The following CRB1 variants were observed in gnomAD, a reference collection of about 807,000 sequenced individuals.
CRB1 encodes protein crumbs homolog 1.
In CRB1, 83 loss-of-function variants were observed where a neutral mutation model predicts 120.0. The ratio of observed to expected loss-of-function variants is 0.69; its 90% CI spans 0.58 to 0.83. The LOEUF is 0.83. Among genes scored for constraint, CRB1 ranks in the 40% least tolerant of loss-of-function variants. The pLI, the probability that CRB1 is intolerant of heterozygous loss-of-function variation, is 0.00. For synonymous variants in CRB1, 625 were observed against 612.5 expected, an observed-to-expected ratio of 1.02 and a Z score of -0.30; for missense variants, 1,699 against 1,687.6, an observed-to-expected ratio of 1.01 and a Z score of -0.12.
At chr1:197,363,667 A>G (rs753528956) in intron 5 of CRB1, 3 of 312,278 alleles carry the variant, frequency 9.6e-6, no homozygotes, top group African/African-American at 2.1e-5. Flanking sequence ...AAAGACCAAC[A>G]AAGAGAACTT....
intron 11 of CRB1, among the ~76,000 whole-genome samples, chr1:197,453,573 G>GA (rs2125534944): frequency 8.6e-6 from 1 of 116,144 alleles, no homozygotes; most frequent in East Asian, 2.4e-4. Flanking sequence ...GAGAGAGGGA[G>GA]AGGGAGAGAG....
intron 4 of CRB1, among the ~76,000 whole-genome samples, chr1:197,354,599 C>T (rs1389645454): frequency 6.6e-6 from 1 of 152,014 alleles, no homozygotes; most frequent in African/African-American, 2.4e-5. Context: ...GTTTATTCCT[C>T]CTGGAGGGTT....
At chr1:197,219,255 T>C in the CRB1 span, among the ~76,000 whole-genome samples, 1 of 152,262 alleles carries the variant, frequency 6.6e-6, no homozygotes, top group African/African-American at 2.4e-5. Flanking sequence ...TAAAGGTTTA[T>C]CAAATGCTTA....
chr1:197,457,330 A>G (rs1353122520), intron 11 of CRB1, among the ~76,000 whole-genome samples: 1 of 152,114 alleles, frequency 6.6e-6, no homozygotes, highest in African/African-American at 2.4e-5. Context: ...CCCAAGAGTT[A>G]AGTAATATTA....
At chr1:197,325,425 C>G (rs1181379569) in intron 1 of CRB1, among the ~76,000 whole-genome samples, 1 of 152,070 alleles carries the variant, frequency 6.6e-6, no homozygotes, top group Non-Finnish European at 1.5e-5. Flanking sequence ...CTAGGTGAAA[C>G]GATGTAAGAC....
At chr1:197,367,925 A>C (rs1287620836) in intron 5 of CRB1, among the ~76,000 whole-genome samples, 1 of 152,230 alleles carries the variant, frequency 6.6e-6, no homozygotes, top group African/African-American at 2.4e-5. Flanking sequence ...CCACCTGGCA[A>C]AGTGACTGCA....
chr1:197,300,965 T>G (rs1656827750), intron 1 of CRB1, among the ~76,000 whole-genome samples: 1 of 151,992 alleles, frequency 6.6e-6, no homozygotes, highest in Non-Finnish European at 1.5e-5. Context: ...TGACAGCACA[T>G]CTGTTTACAG....
intron 11 of CRB1, among the ~76,000 whole-genome samples, chr1:197,468,558 A>T (rs946819832): frequency 1.3e-5 from 2 of 152,174 alleles, no homozygotes; most frequent in African/African-American, 4.8e-5. Flanking sequence ...CAGTGTTACA[A>T]GTGTGTGAGT....
intron 10 of CRB1, chr1:197,441,918 T>G: frequency 2.0e-6 from 1 of 511,650 alleles, no homozygotes. Context: ...TTTGCATCTA[T>G]TTTCTCATTC....
intron 4 of CRB1, among the ~76,000 whole-genome samples, chr1:197,353,814 T>TAAAAAAAAAAA (rs57274486): frequency 1.1e-5 from 1 of 89,416 alleles, no homozygotes; most frequent in Non-Finnish European, 2.1e-5. Context: ...AATATATAAA[T>TAAAAAAAAAAA]AAAAAAAAAA....
At chr1:197,222,549 C>T in the CRB1 span, 21 of 767,790 alleles carry the variant, frequency 2.7e-5, no homozygotes, top group Middle Eastern at 3.4e-4. Flanking sequence ...AAATTCCATT[C>T]GCTCTTTATT....
the CRB1 span, among the ~76,000 whole-genome samples, chr1:197,207,163 A>T: frequency 6.6e-6 from 1 of 152,070 alleles, no homozygotes; most frequent in South Asian, 2.1e-4. Flanking sequence ...ATTCTTATCC[A>T]TTCTGCCATT....
intron 3 of CRB1, among the ~76,000 whole-genome samples, chr1:197,346,017 G>T (rs1659751825): frequency 6.6e-6 from 1 of 152,070 alleles, no homozygotes. Flanking sequence ...GGAAAAGGAG[G>T]CTTACCCTTC....
At chr1:197,304,177 A>G (rs538718812) in intron 1 of CRB1, among the ~76,000 whole-genome samples, 2 of 152,180 alleles carry the variant, frequency 1.3e-5, no homozygotes, top group Non-Finnish European at 2.9e-5. Flanking sequence ...TATGAATACC[A>G]ACTGAAACAG....
chr1:197,311,654 T>C (rs1657525655), intron 1 of CRB1, among the ~76,000 whole-genome samples: 1 of 151,738 alleles, frequency 6.6e-6, no homozygotes, highest in African/African-American at 2.4e-5. Flanking sequence ...GTGAAATGAT[T>C]ACCACAATCA....
intron 1 of CRB1, among the ~76,000 whole-genome samples, chr1:197,274,033 A>G (rs998191202): frequency 1.3e-5 from 2 of 152,030 alleles, no homozygotes; most frequent in Non-Finnish European, 2.9e-5. Context: ...ACATGTTTCT[A>G]TAGATATCTC....
At chr1:197,255,963 TTTTA>T in the CRB1 span, among the ~76,000 whole-genome samples, 3 of 33,282 alleles carry the variant, frequency 9.0e-5, no homozygotes, top group African/African-American at 3.0e-4. Flanking sequence ...ATATAGAACA[TTTTA>T]TATATATATA....
rs11809220 is a variant in CRB1, at chr1:197,450,904, G to A, written c.4005+8612G>A. The stretch of plus-strand genomic sequence containing the variant: ...GAACCCGGGGGGCGGAGCTTGCGGT[G>A]AGCTGAGATCGTGCCACTGCACTCC... On this transcript the variant is annotated intron_variant, in intron 11 of 11. Coordinates refer to ENST00000367400, the MANE Select transcript of CRB1 (RefSeq NM_201253.3). Among the ~76,000 whole-genome samples the A allele has an allele frequency of 7.2e-3, 1,000 of 138,484 alleles. 15 individuals carry two copies. Among genetic ancestry groups the A allele is most frequent in the African/African-American group, 0.025 (938 of 37,540 alleles). The allele number at this position is 138,484 out of a possible 152,430, so 90.9% of individuals were successfully genotyped here. A position where few individuals can be genotyped will look rare whatever the true frequency, so the allele number is the denominator to read the frequency against.
rs144457647 is a variant in CRB1 at position 197,427,739 on chromosome 1, T to C, written c.2414T>C (p.Ile805Thr). Residue 805 changes from isoleucine (I) to threonine (T), a missense_variant, in exon 7 of 12, where the codon ATT (isoleucine) becomes ACT (threonine). Physicochemically the swap from Ile to Thr is moderately conservative, Grantham distance 89 (BLOSUM62 -1). Transcript: ENST00000367400. ...LISLKIKPYK[I>T]ELYQSSQNLG... ...TCTTTGAAAATCAAGCCATATAAAA[T>C]TGAACTGTATCAGTCTTCACAAAAC... 4 of 1,614,010 alleles carry C rather than the reference T, an allele frequency of 2.5e-6. No homozygotes were observed. Among genetic ancestry groups the C allele is most frequent in the African/African-American group, 1.3e-5 (1 of 75,054 alleles).
Sources: allele counts gnomAD v4.1 joint callset (sites outside exome capture counted in the v4.1 genomes callset), GRCh38; gene constraint gnomAD v4.1.1; transcripts MANE v1.5; gene names NCBI Gene and HGNC (gene_info 2026-07-23, HGNC 2026-07-21).